Variants in WDFY2 observed in about 807,000 individuals in gnomAD.
WDFY2 encodes WD repeat and FYVE domain containing 2.
WDFY2 carries 36 observed loss-of-function variants against 56.4 expected under a neutral mutation model. The ratio of observed to expected loss-of-function variants is 0.64; its 90% CI spans 0.49 to 0.84. The LOEUF (loss-of-function observed/expected upper bound fraction) is 0.84. WDFY2 is among the 40% of genes least tolerant of loss of function. The pLI, the probability that WDFY2 is intolerant of heterozygous loss-of-function variation, is 0.00. For missense variants in WDFY2, 444 were observed against 512.2 expected (o/e 0.87, Z 1.29); for synonymous variants, 176 against 183.7 (o/e 0.96, Z 0.34).
intron 1 of WDFY2, among the ~76,000 whole-genome samples, chr13:51,621,963 C>CT (rs1954736817): frequency 6.6e-6 from 1 of 151,964 alleles, no homozygotes; most frequent in African/African-American, 2.4e-5. Flanking sequence ...TTTTTTTAAG[C>CT]TTTTTTTGCT....
At chr13:51,754,174 G>A (rs1421646813) in intron 8 of WDFY2, among the ~76,000 whole-genome samples, 1 of 149,740 alleles carries the variant, frequency 6.7e-6, no homozygotes, top group African/African-American at 2.5e-5. Context: ...GAACCCTTTT[G>A]AGCTCTCCCA....
At chr13:51,689,430 T>C (rs1003812996) in intron 3 of WDFY2, among the ~76,000 whole-genome samples, 15 of 152,182 alleles carry the variant, frequency 9.9e-5, no homozygotes, top group African/African-American at 2.9e-4. Context: ...TGAATTTGTC[T>C]CTTTGTAGGT....
intron 8 of WDFY2, chr13:51,752,967 C>CT (rs1443108810): frequency 6.6e-6 from 1 of 152,200 alleles, no homozygotes; most frequent in Non-Finnish European, 1.5e-5. Flanking sequence ...TACTGACAGA[C>CT]TTTCTGGAAG....
At chr13:51,738,973 T>G (rs1353188454) in intron 6 of WDFY2, 76 bp from the exon 7 acceptor site, 8 of 1,389,420 alleles carry the variant, frequency 5.8e-6, no homozygotes, top group East Asian at 2.7e-5. Flanking sequence ...AGGTTCTGTC[T>G]CCGCTGCATT....
chr13:51,617,427 C>T (rs907830975), intron 1 of WDFY2, among the ~76,000 whole-genome samples: 1 of 151,924 alleles, frequency 6.6e-6, no homozygotes, highest in Non-Finnish European at 1.5e-5. Context: ...GCAACCTCTG[C>T]CTCCTGGGTT....
rs111409219 is a variant in WDFY2, at chr13:51,703,406, T to C, written c.280-190T>C. On this transcript the variant is annotated intron_variant, in intron 3 of 11. Transcript: ENST00000298125. The stretch of plus-strand genomic sequence containing the variant: ...AGTCAACACTTATAAGGTAAAATTA[T>C]GATAACTGCATTGGATCATAATTTT... 4.5e-3 allele frequency among the ~76,000 whole-genome samples: 678 copies of C among 152,344 alleles called. 3 individuals carry two copies. Among genetic ancestry groups the C allele is most frequent in the African/African-American group, 0.016 (655 of 41,572 alleles).
chr13:51,717,130 C>T (rs1423545894), intron 4 of WDFY2, among the ~76,000 whole-genome samples: 2 of 152,086 alleles, frequency 1.3e-5, no homozygotes, highest in African/African-American at 4.8e-5. Context: ...GAAAGATGTC[C>T]CCCTCACCAC....
chr13:51,746,550 T>G (rs1953109520), intron 7 of WDFY2, among the ~76,000 whole-genome samples: 1 of 152,222 alleles, frequency 6.6e-6, no homozygotes, highest in South Asian at 2.1e-4. Flanking sequence ...GTTATAAAGT[T>G]GATTTGCCCA....
At chr13:51,623,608 G>A (rs1342020515) in intron 1 of WDFY2, among the ~76,000 whole-genome samples, 1 of 151,998 alleles carries the variant, frequency 6.6e-6, no homozygotes, top group African/African-American at 2.4e-5. Flanking sequence ...TTTACAAGTA[G>A]CCTCTCAACA....
At chr13:51,686,136 G>C (rs1956059457) in intron 3 of WDFY2, among the ~76,000 whole-genome samples, 1 of 152,148 alleles carries the variant, frequency 6.6e-6, no homozygotes, top group African/African-American at 2.4e-5. Context: ...GACAGATGTG[G>C]TGGGGTTGAG....
chr13:51,654,448 T>A (rs1955468022), intron 1 of WDFY2, among the ~76,000 whole-genome samples: 1 of 152,172 alleles, frequency 6.6e-6, no homozygotes, highest in Non-Finnish European at 1.5e-5. Flanking sequence ...GAGATGAACC[T>A]GGTACCTCAG....
intron 1 of WDFY2, among the ~76,000 whole-genome samples, chr13:51,624,213 G>A (rs1349656824): frequency 2.6e-5 from 4 of 152,198 alleles, no homozygotes; most frequent in African/African-American, 9.7e-5. Context: ...CGGGAGTTCA[G>A]ATTTGATTCA....
intron 2 of WDFY2, among the ~76,000 whole-genome samples, chr13:51,669,041 C>T (rs1955763026): frequency 6.6e-6 from 1 of 152,122 alleles, no homozygotes; most frequent in Admixed American, 6.5e-5. Context: ...TTTAAAAATA[C>T]CAATTTTGAG....
intron 5 of WDFY2, 108 bp downstream of exon 5, chr13:51,719,456 G>GC: frequency 1.6e-6 from 2 of 1,266,052 alleles, no homozygotes; most frequent in Non-Finnish European, 2.2e-6. Context: ...AATGACAGTT[G>GC]CCCAGTGTGG....
intron 6 of WDFY2, among the ~76,000 whole-genome samples, chr13:51,732,887 A>T (rs1358067518): frequency 2.6e-5 from 4 of 152,244 alleles, no homozygotes; most frequent in Non-Finnish European, 5.9e-5. Context: ...GAATGCATGC[A>T]TTAGACCAGT....
At chr13:51,732,970 T>G (rs953442810) in intron 6 of WDFY2, among the ~76,000 whole-genome samples, 2 of 152,208 alleles carry the variant, frequency 1.3e-5, no homozygotes, top group African/African-American at 4.8e-5. Flanking sequence ...GAGGCTTCTT[T>G]GGAAGCAAAT....
At chr13:51,653,011 G>C (rs545677158) in intron 1 of WDFY2, among the ~76,000 whole-genome samples, 2 of 152,294 alleles carry the variant, frequency 1.3e-5, no homozygotes, top group African/African-American at 4.8e-5. Flanking sequence ...TTCCAACTTG[G>C]TTCCATTCTC....
At chr13:51,641,623 G>A (rs1241092694) in intron 1 of WDFY2, among the ~76,000 whole-genome samples, 3 of 149,940 alleles carry the variant, frequency 2.0e-5, no homozygotes, top group Admixed American at 6.6e-5. Flanking sequence ...TCAGGAGATC[G>A]AGACCATCCC....
chr13:51,746,515 A>G (rs1953108248), intron 7 of WDFY2, among the ~76,000 whole-genome samples: 1 of 152,238 alleles, frequency 6.6e-6, no homozygotes, highest in Admixed American at 6.5e-5. Context: ...TTCAATGAGC[A>G]TCATTCTCAC....
Sources: gnomAD v4.1 joint callset for allele counts (sites outside exome capture counted in the v4.1 genomes callset) on GRCh38, gnomAD v4.1.1 for gene constraint, MANE v1.5 for transcripts, NCBI Gene and HGNC (gene_info 2026-07-23, HGNC 2026-07-21) for gene names.